Variants in CLASRP observed in about 807,000 individuals in gnomAD.
The protein encoded by CLASRP is CLK4 associating serine/arginine rich protein.
A neutral mutation model predicts 99.9 loss-of-function variants in CLASRP; 52 were observed. The observed-to-expected ratio is 0.52, with a 90% confidence interval of 0.42 to 0.66. The LOEUF (loss-of-function observed/expected upper bound fraction) is 0.66. Ranked by LOEUF, CLASRP falls within the 30% of genes least tolerant of loss-of-function variation. The probability of loss-of-function intolerance (pLI) is 0.00; values close to 1 mark genes in which losing one functional copy is unlikely to be tolerated. For missense variants in CLASRP, 848 were observed against 999.2 expected (o/e 0.85, Z 2.04); for synonymous variants, 379 against 373.0 (o/e 1.02, Z -0.18).
At chr19:45,043,195 T>TTG (rs58669276) in intron 2 of CLASRP, among the ~76,000 whole-genome samples, 13,543 of 134,562 alleles carry the variant, frequency 0.1, 726 homozygotes, top group East Asian at 0.15. Flanking sequence ...AAGGAATACT[T>TTG]TGTGTGTGTG....
At position 45,070,031 on chromosome 19, in the gene CLASRP, A is replaced by G; in HGVS notation, c.1884A>G (p.Glu628=). Residue 628 remains glutamate (E), a synonymous_variant, in exon 19 of 21, where the codon GAA becomes GAG. Coordinates refer to ENST00000221455, the MANE Select transcript of CLASRP (RefSeq NM_007056.3). The part of the protein sequence containing the change: ...MARKIRMKER[E]RREKEREEWE... ...TGCCATGCCTTCGCAGGGAGCGGGA[A>G]CGCCGAGAGAAGGAGAGAGAAGAGT... 6.3e-7 allele frequency: 1 copy of G among 1,599,154 alleles called. No individual in the cohort carries two copies. The highest frequency in any genetic ancestry group is 8.6e-7 in the Non-Finnish European group (1 of 1,166,480).
At chr19:45,045,165 T>G (rs1220479863) in intron 2 of CLASRP, among the ~76,000 whole-genome samples, 1 of 152,228 alleles carries the variant, frequency 6.6e-6, no homozygotes, top group Non-Finnish European at 1.5e-5. Flanking sequence ...GTCTTCATTC[T>G]ATCCAGCAGG....
At chr19:45,069,878 CTCCCTT>C in intron 18 of CLASRP, 138 bp from the exon 19 acceptor site, 1 of 599,130 alleles carries the variant, frequency 1.7e-6, no homozygotes, top group African/African-American at 1.9e-5. Flanking sequence ...GAACCTGGGG[CTCCCTT>C]TCCAAGCGGG....
intron 1 of CLASRP, 75 bp from the exon 2 acceptor site, chr19:45,040,109 C>A: frequency 1.3e-6 from 1 of 761,604 alleles, no homozygotes; most frequent in Non-Finnish European, 2.2e-6. Flanking sequence ...CTGCCACCAA[C>A]TTGTTAGATG....
At chr19:45,065,570 A>C (rs1568421472) in intron 13 of CLASRP, among the ~76,000 whole-genome samples, 1 of 151,852 alleles carries the variant, frequency 6.6e-6, no homozygotes, top group Non-Finnish European at 1.5e-5. Flanking sequence ...CAAGAAAAAA[A>C]AAAAAAAAAG....
chr19:45,051,978 A>AT, intron 2 of CLASRP, 93 bp from the exon 3 acceptor site: 1 of 930,080 alleles, frequency 1.1e-6, no homozygotes, highest in Non-Finnish European at 1.7e-6. Flanking sequence ...AAAAAAAAAA[A>AT]GAAGTGAGCT....
At chr19:45,070,596 G>A in intron 20 of CLASRP, 35 bp downstream of exon 20, 2 of 1,594,994 alleles carry the variant, frequency 1.3e-6, no homozygotes, top group East Asian at 4.5e-5. Flanking sequence ...TTTCTTGGAA[G>A]TAACACTTGT....
In CLASRP at chr19:45,070,714, A is replaced by G; in HGVS notation, c.1983-89A>G. 3.0e-6 allele frequency: 4 copies of G among 1,325,982 alleles called. No homozygotes were observed. The Admixed American group carries it at 6.7e-5, about 22-fold the overall frequency. The allele number at this position is 1,325,982 out of a possible 1,614,324, so 82.1% of individuals were successfully genotyped here. On this transcript the variant is annotated intron_variant, in intron 20 of 20. Coordinates refer to ENST00000221455, the MANE Select transcript of CLASRP (RefSeq NM_007056.3). ...GGGGAACATCCTTCCCTCCACAGACAAGTGCCCCGATCACTGAAGCATCCA... is the reference window on the plus strand; with the variant it reads ...GGGGAACATCCTTCCCTCCACAGACGAGTGCCCCGATCACTGAAGCATCCA...
intron 2 of CLASRP, among the ~76,000 whole-genome samples, chr19:45,050,319 G>C (rs555976937): frequency 6.6e-6 from 1 of 152,244 alleles, no homozygotes; most frequent in East Asian, 1.9e-4. Context: ...TAGCCATCAG[G>C]GAAATGCCAG....
intron 16 of CLASRP, 150 bp from the exon 17 acceptor site, chr19:45,068,916 G>A: frequency 2.7e-6 from 2 of 728,346 alleles, no homozygotes; most frequent in Non-Finnish European, 4.6e-6. Flanking sequence ...CGCGAACCCG[G>A]GGGGCGGAGC....
chr19:45,051,946 C>T lies in CLASRP; in HGVS notation c.100-125C>T, dbSNP rs149224086. On this transcript the variant is annotated intron_variant, in intron 2 of 20. Transcript: ENST00000221455. The stretch of plus-strand genomic sequence containing the variant: ...CAGCACCATTGCACTCCAGCCTGGG[C>T]GACAGAGTGAGGCTCCATCTCAAAA... The T allele has an allele frequency of 7.1e-4, 499 of 698,884 alleles. 1 individual carries two copies. Among genetic ancestry groups the T allele is most frequent in the Non-Finnish European group, 1.1e-3 (439 of 404,592 alleles). 43.3% of individuals were successfully genotyped at this position (698,884 alleles called of 1,614,324 possible). A position where few individuals can be genotyped will look rare whatever the true frequency, so the allele number is the denominator to read the frequency against.
intron 10 of CLASRP, 52 bp from the exon 11 acceptor site, chr19:45,062,102 A>T: frequency 9.2e-7 from 1 of 1,081,882 alleles, no homozygotes; most frequent in Non-Finnish European, 1.4e-6. Flanking sequence ...CAAATTCATG[A>T]CTGCTGAGAT....
At position 45,060,374 on chromosome 19, in the gene CLASRP, C is replaced by T. The variant is rs747124302; in HGVS notation, c.711-15C>T. 1.9e-6 allele frequency: 3 copies of T among 1,613,260 alleles called. No homozygotes were observed. The highest frequency in any genetic ancestry group is 1.3e-5 in the African/African-American group (1 of 74,916). ...CTGCCCCATCCTCCACCCTAATTCT[C>T]ACCCACCTCTATAGGATGCTCCGGA... On this transcript the variant is annotated splice_polypyrimidine_tract_variant and intron_variant, in intron 8 of 20. Coordinates refer to ENST00000221455, the MANE Select transcript of CLASRP (RefSeq NM_007056.3). The surrounding 1 kb of genome is among the most constrained non-coding windows in gnomAD (Gnocchi z 4.6).
chr19:45,067,062 G>A lies in CLASRP; in HGVS notation c.1410-275G>A, dbSNP rs1373603160. On this transcript the variant is annotated intron_variant, in intron 13 of 20. Coordinates refer to ENST00000221455, the MANE Select transcript of CLASRP (RefSeq NM_007056.3). This position sits in a 1 kb window ranked among gnomAD's most constrained non-coding sequence, Gnocchi z 4.9. ...CTCACCTCCCGGGAAGTTAGCAAGC[G>A]GGTGTCTAGTGAGGGAGAGGTGACG... is the stretch of plus-strand genomic sequence containing the variant. Among the ~76,000 whole-genome samples, 7 of 152,206 alleles carry A rather than the reference G, an allele frequency of 4.6e-5. No homozygotes were observed. Among genetic ancestry groups the A allele is most frequent in the Middle Eastern group, 6.3e-3 (2 of 316 alleles).
intron 8 of CLASRP, among the ~76,000 whole-genome samples, chr19:45,059,782 G>A (rs117183891): frequency 0.013 from 1,945 of 152,322 alleles, 28 homozygotes; most frequent in Non-Finnish European, 0.021. Flanking sequence ...CAGTGAACCA[G>A]AAACGGAGCC....
At chr19:45,066,345 C>T (rs1165576590) in intron 13 of CLASRP, among the ~76,000 whole-genome samples, 1 of 152,116 alleles carries the variant, frequency 6.6e-6, no homozygotes, top group African/African-American at 2.4e-5. Flanking sequence ...GTCTTGAACT[C>T]CTGACCTCAT....
rs1389679901 is a variant in CLASRP at position 45,060,524 on chromosome 19, C to G, written c.790-30C>G. 1 of 1,613,482 alleles carries G rather than the reference C, an allele frequency of 6.2e-7. No individual in the cohort carries two copies. The highest frequency in any genetic ancestry group is 8.5e-7 in the Non-Finnish European group (1 of 1,179,654). ...GGGTGTGTCACAGGGAGGGCACCCC[C>G]TCACCAACCTGGCACCCACCCTACT... On this transcript the variant is annotated intron_variant, in intron 9 of 20. Transcript: ENST00000221455. The surrounding 1 kb of genome is among the most constrained non-coding windows in gnomAD (Gnocchi z 4.6).
Position 45,057,952 on chromosome 19 carries a change from GTC to G in CLASRP, c.613+57_613+58del. The G allele has an allele frequency of 1.9e-6, 3 of 1,607,408 alleles. No individual in the cohort carries two copies. In the African/African-American group the frequency reaches 4.0e-5, roughly 21 times the overall value. ...TGCAGTCCCTGGGCATCGTTTCTGT[GTC>G]TCGTCCCTCACCCTCTGTGGGGCAC... On this transcript the variant is annotated intron_variant, in intron 7 of 20. Transcript: ENST00000221455.
At chr19:45,058,068 G>A (rs1330055765) in intron 7 of CLASRP, 170 bp downstream of exon 7, 6 of 749,662 alleles carry the variant, frequency 8.0e-6, no homozygotes, top group Non-Finnish European at 1.3e-5. Context: ...GTCCTCCTCC[G>A]TTCCGGCCTT....
Sources: allele counts gnomAD v4.1 joint callset (sites outside exome capture counted in the v4.1 genomes callset), GRCh38; gene constraint gnomAD v4.1.1; non-coding constraint Gnocchi (gnomAD v3.1); transcripts MANE v1.5; gene names NCBI Gene and HGNC (gene_info 2026-07-23, HGNC 2026-07-21).